URB1: variants seen among roughly 807,000 people sequenced by gnomAD.
The protein encoded by URB1 is URB1 ribosome biogenesis factor, also known as nucleolar pre-ribosomal-associated protein 1.
Under a neutral mutation model 242.3 loss-of-function variants are expected in URB1, and 197 were observed. The observed-to-expected ratio is 0.81, with a 90% CI of 0.72 to 0.91. The LOEUF (loss-of-function observed/expected upper bound fraction) is 0.91, where lower values mean the gene tolerates loss of function less well. Ranked by LOEUF, URB1 falls within the 40% of genes least tolerant of loss-of-function variation. The pLI is 0.00. For missense variants in URB1, 2,721 were observed against 2,860.5 expected, an observed-to-expected ratio of 0.95 and a Z score of 1.11; for synonymous variants, 1,153 against 1,201.8, an observed-to-expected ratio of 0.96 and a Z score of 0.84.
chr21:32,355,063 A>T, intron 16 of URB1, 66 bp from the exon 17 acceptor site: 1 of 1,487,222 alleles, frequency 6.7e-7, no homozygotes, highest in Non-Finnish European at 9.0e-7. Context: ...AAGCCAAAAA[A>T]TGTCACTGGT....
chr21:32,331,662 A>G (rs1324003959), intron 30 of URB1, among the ~76,000 whole-genome samples: 1 of 152,228 alleles, frequency 6.6e-6, no homozygotes, highest in Non-Finnish European at 1.5e-5. Flanking sequence ...TCTCTCTAAC[A>G]AAAAAGAATG....
chr21:32,373,717 TG>T lies in URB1; in HGVS notation c.805del (p.Gln269SerfsTer3). ...KTQKVRFFTG[Q>X]LLNHIASLYN... ...CAGCGATGCTATGTGGTTCAATAAC[TG>T]CCCCGTAAAGAAACGCACCTTCTGG... On this transcript the variant is annotated frameshift_variant, in exon 7 of 39. Coordinates refer to ENST00000382751, the MANE Select transcript of URB1 (RefSeq NM_014825.3). LOFTEE classifies it high-confidence loss of function. 6.5e-7 allele frequency: 1 copy of T among 1,549,674 alleles called. No homozygotes were observed. Among genetic ancestry groups the T allele is most frequent in the Non-Finnish European group, 8.7e-7 (1 of 1,146,334 alleles).
chr21:32,329,947 T>C (rs1244139265), intron 30 of URB1, among the ~76,000 whole-genome samples: 1 of 152,194 alleles, frequency 6.6e-6, no homozygotes, highest in Admixed American at 6.5e-5. Context: ...GCTGGCCCCT[T>C]CTAGGGAGGA....
chr21:32,337,511 G>A lies in URB1; in HGVS notation c.4514C>T (p.Ala1505Val), dbSNP rs1428613303. The A allele has an allele frequency of 2.6e-6, 4 of 1,551,440 alleles. No homozygotes were observed. The highest frequency in any genetic ancestry group is 2.4e-5 in the East Asian group (1 of 40,898). ...CACCGTCAGCATCAGGTCCACCAGCGCTTCTGCAAGAAAACAACCCTGAAA... is the reference window on the plus strand; with the variant it reads ...CACCGTCAGCATCAGGTCCACCAGCACTTCTGCAAGAAAACAACCCTGAAA... ...EESPDSQVKE[A>V]LVDLMLTVVE... The change falls in exon 27 of 39, where the codon GCG becomes GTG. Residue 1505 changes from alanine (A) to valine (V), a missense_variant. Physicochemically the swap from Ala to Val is moderately conservative, Grantham distance 64. Coordinates refer to ENST00000382751, the MANE Select transcript of URB1 (RefSeq NM_014825.3).
chr21:32,372,828 G>A (rs184544169), intron 7 of URB1, among the ~76,000 whole-genome samples, 197 bp from the exon 8 acceptor site: 72 of 152,136 alleles, frequency 4.7e-4, no homozygotes, highest in Admixed American at 7.9e-4. Flanking sequence ...CTCTGAAGAG[G>A]GGCAAGTTTA....
At position 32,375,439 on chromosome 21, in the gene URB1, T is replaced by C; in HGVS notation, c.709A>G (p.Ile237Val). 2 of 1,541,726 alleles carry C rather than the reference T, an allele frequency of 1.3e-6. No individual in the cohort carries two copies. Among genetic ancestry groups the C allele is most frequent in the South Asian group, 1.2e-5 (1 of 81,702 alleles). ...GATAATAAAATATTGATGGTAGAGA[T>C]CCTATCTTCCTTTATCCCTGAGCTA... is the stretch of plus-strand genomic sequence containing the variant. ...IFSSGIKEDR[I>V]STINILLSTL... The change falls in exon 6 of 39, where the codon ATC becomes GTC. Residue 237 changes from isoleucine to valine, a missense_variant. By Grantham distance (29) the Ile-to-Val change is conservative. Coordinates refer to ENST00000382751, the MANE Select transcript of URB1 (RefSeq NM_014825.3).
intron 18 of URB1, among the ~76,000 whole-genome samples, chr21:32,353,170 C>T (rs16989309): frequency 0.13 from 20,495 of 152,184 alleles, 1,753 homozygotes; most frequent in African/African-American, 0.24. Context: ...AGGCAAAAGC[C>T]ACCTGGGACC....
Position 32,392,755 on chromosome 21 carries a change from C to G in URB1, c.142+14G>C. The G allele has an allele frequency of 7.0e-7, 1 of 1,423,728 alleles. No homozygotes were observed. The allele number at this position is 1,423,728 out of a possible 1,614,324, so 88.2% of individuals were successfully genotyped here. A position where few individuals can be genotyped will look rare whatever the true frequency, so the allele number is the denominator to read the frequency against. ...CCTGTGCTCCCGACCCTGCGCCTGC[C>G]GCCCCGGACTCACCTGGCCCGGGGC... On this transcript the variant is annotated intron_variant, in intron 1 of 38. Transcript: ENST00000382751.
chr21:32,321,200 A>C (rs2032761230), intron 34 of URB1, among the ~76,000 whole-genome samples: 1 of 152,248 alleles, frequency 6.6e-6, no homozygotes, highest in South Asian at 2.1e-4. Flanking sequence ...TACATATGAG[A>C]AACAAAAGCT....
In URB1 at chr21:32,383,442, C is replaced by T. The variant is rs1264629474; in HGVS notation, c.547G>A (p.Val183Met). Reference protein sequence around the residue: ...DLNKKTLYTLVTKRDSKGVYD... With the variant: ...DLNKKTLYTLMTKRDSKGVYD... ...CTCACCTTTGAATCCCTCTTGGTCA[C>T]CAGGGTGTACAGGGTCTTTTTATTC... Residue 183 changes from valine (V) to methionine (M), a missense_variant, in exon 4 of 39, where the codon GTG (valine) becomes ATG (methionine). Coordinates refer to ENST00000382751, the MANE Select transcript of URB1 (RefSeq NM_014825.3). 5.8e-6 allele frequency: 9 copies of T among 1,551,506 alleles called. No individual in the cohort carries two copies. The South Asian group carries it at 1.1e-4, about 18-fold the overall frequency.
At chr21:32,376,717 A>T (rs890996698) in intron 5 of URB1, among the ~76,000 whole-genome samples, 73 of 152,146 alleles carry the variant, frequency 4.8e-4, no homozygotes, top group Non-Finnish European at 2.8e-4. Flanking sequence ...CACTTACTGC[A>T]GCCTTGACAT....
chr21:32,317,745 C>T lies in URB1; in HGVS notation c.5965G>A (p.Glu1989Lys), dbSNP rs989058452. Reference protein sequence around the residue: ...LVLLHKWSLIERDLKLQEDLR... With the variant: ...LVLLHKWSLIKRDLKLQEDLR... ...TCTTCCTGGAGCTTGAGGTCTCTTT[C>T]AATGAGGCTCCACTTGTGCAAGAGG... Residue 1989 changes from glutamate to lysine, a missense_variant, in exon 37 of 39, where the codon GAA becomes AAA. Physicochemically the swap from Glu to Lys is moderately conservative, Grantham distance 56. Coordinates refer to ENST00000382751, the MANE Select transcript of URB1 (RefSeq NM_014825.3). 18 of 1,551,870 alleles carry T rather than the reference C, an allele frequency of 1.2e-5. No homozygotes were observed. In the South Asian group the frequency reaches 2.0e-4, roughly 17 times the overall value.
At chr21:32,380,305 G>A (rs1165775453) in intron 4 of URB1, among the ~76,000 whole-genome samples, 1 of 152,136 alleles carries the variant, frequency 6.6e-6, no homozygotes, top group Admixed American at 6.5e-5. Flanking sequence ...TACATTTATT[G>A]AGTTTATCCC....
intron 25 of URB1, among the ~76,000 whole-genome samples, chr21:32,339,501 T>A (rs28640056): frequency 6.6e-6 from 1 of 150,894 alleles, no homozygotes; most frequent in South Asian, 2.1e-4. Context: ...TTTCTTTTTT[T>A]TTTTTTTGAG....
Position 32,384,389 on chromosome 21 carries a change from C to G in URB1, c.358G>C (p.Gly120Arg), listed in dbSNP as rs1442901717. The G allele has an allele frequency of 6.4e-7, 1 of 1,552,084 alleles. No homozygotes were observed. ...ATCAGCTTTTTCACAATGTTGGTTC[C>G]CACAACATGGAAATGTGAAAGATCA... ...ASDLSHFHVV[G>R]TNIVKKLMNN... The change falls in exon 3 of 39, where the codon GGA becomes CGA. Residue 120 changes from glycine (G) to arginine (R), a missense_variant. Transcript: ENST00000382751.
chr21:32,355,192 T>A (rs1836583630), intron 16 of URB1, among the ~76,000 whole-genome samples, 195 bp from the exon 17 acceptor site: 1 of 152,244 alleles, frequency 6.6e-6, no homozygotes, highest in Non-Finnish European at 1.5e-5. Context: ...ATAGCACTGC[T>A]TTTAATACCA....
intron 38 of URB1, 58 bp downstream of exon 38, chr21:32,316,408 C>T (rs1251680240): frequency 6.9e-7 from 1 of 1,455,722 alleles, no homozygotes; most frequent in African/African-American, 1.4e-5. Context: ...ATCACTCCTG[C>T]CCCCAGGCCC....
rs1259710873 is a variant in URB1, at chr21:32,349,444, G to C, written c.2872C>G (p.Leu958Val). ...ACAACCAGGCGCCTGAGGAGATCCAGGAAGAGCTGCAGGAGGGGCGGGCCC... is the reference window on the plus strand; with the variant it reads ...ACAACCAGGCGCCTGAGGAGATCCACGAAGAGCTGCAGGAGGGGCGGGCCC... ...SVGPPLLQLF[L>V]DLLRRLVVHC... Residue 958 changes from leucine (L) to valine (V), a missense_variant, in exon 21 of 39, where the codon CTG becomes GTG. Physicochemically the swap from Leu to Val is conservative, Grantham distance 32 (BLOSUM62 1). Coordinates refer to ENST00000382751, the MANE Select transcript of URB1 (RefSeq NM_014825.3). 1.3e-6 allele frequency: 2 copies of C among 1,551,230 alleles called. No homozygotes were observed. Among genetic ancestry groups the C allele is most frequent in the Non-Finnish European group, 8.7e-7 (1 of 1,146,904 alleles).
chr21:32,371,797 AG>A (rs1387085326), intron 8 of URB1, among the ~76,000 whole-genome samples: 2 of 151,072 alleles, frequency 1.3e-5, no homozygotes. Context: ...TAGGATGAAC[AG>A]TAGTAAGCCA....
Sources: allele counts gnomAD v4.1 joint callset (sites outside exome capture counted in the v4.1 genomes callset), GRCh38; gene constraint gnomAD v4.1.1; transcripts MANE v1.5; gene names NCBI Gene and HGNC (gene_info 2026-07-23, HGNC 2026-07-21).